The following DLC1 variants were observed in gnomAD, a reference collection of about 807,000 sequenced individuals.
The protein encoded by DLC1 is rho GTPase-activating protein 7.
In DLC1, 54 loss-of-function variants were observed where a neutral mutation model predicts 140.3. The ratio of observed to expected loss-of-function variants is 0.38; its 90% CI spans 0.31 to 0.48. DLC1 has a LOEUF of 0.48. Among genes scored for constraint, DLC1 ranks in the 20% least tolerant of loss-of-function variants. The pLI is 0.96. For synonymous variants in DLC1, 986 were observed against 728.1 expected, an observed-to-expected ratio of 1.35 and a Z score of -5.70; for missense variants, 2,536 against 1,907.0, an observed-to-expected ratio of 1.33 and a Z score of -6.14.
intron 7 of DLC1, among the ~76,000 whole-genome samples, chr8:13,105,084 T>C (rs557179020): frequency 1.4e-4 from 20 of 144,770 alleles, no homozygotes; most frequent in Admixed American, 1.0e-3. Flanking sequence ...GAATGGTGTT[T>C]ATAACCAAAT....
At chr8:13,559,517 T>G (rs1166899366) in intron 1 of DLC1, 2 of 152,218 alleles carry the variant, frequency 1.3e-5, no homozygotes, top group Admixed American at 1.3e-4. Context: ...ACTGAAAGAT[T>G]CATCTCAAAT....
At position 13,090,480 on chromosome 8, in the gene DLC1, A is replaced by G. The variant is rs984903555; in HGVS notation, c.3856-10T>C. 5.6e-6 allele frequency: 9 copies of G among 1,613,002 alleles called. No individual in the cohort carries two copies. The highest frequency in any genetic ancestry group is 3.3e-5 in the Admixed American group (2 of 60,002). ...TCATTTCCTCGGGAACCTGTGCGGA[A>G]CATGACAGACAGAAAGGAGGTGAGT... On this transcript the variant is annotated splice_polypyrimidine_tract_variant and intron_variant, in intron 14 of 17. Transcript: ENST00000276297.
intron 5 of DLC1, among the ~76,000 whole-genome samples, chr8:13,221,829 T>C (rs1007908176): frequency 7.0e-5 from 10 of 143,158 alleles, no homozygotes; most frequent in African/African-American, 2.0e-4. Flanking sequence ...ATAAAATACA[T>C]CAAAATATTA....
chr8:13,432,415 C>CT (rs1335126184), intron 2 of DLC1, among the ~76,000 whole-genome samples: 1 of 152,158 alleles, frequency 6.6e-6, no homozygotes, highest in African/African-American at 2.4e-5. Context: ...TACAATACAT[C>CT]TTATATGCAC....
At chr8:13,192,262 T>A (rs1482637050) in intron 5 of DLC1, among the ~76,000 whole-genome samples, 1 of 152,036 alleles carries the variant, frequency 6.6e-6, no homozygotes, top group African/African-American at 2.4e-5. Context: ...GCCTGATTAT[T>A]CTTGTATGTC....
intron 4 of DLC1, among the ~76,000 whole-genome samples, chr8:13,365,668 C>T (rs979926167): frequency 9.2e-5 from 14 of 152,134 alleles, no homozygotes; most frequent in African/African-American, 3.4e-4. Flanking sequence ...TCTGGGTTTC[C>T]AGACATGTGT....
At chr8:13,150,733 T>G (rs1823743763) in intron 5 of DLC1, among the ~76,000 whole-genome samples, 1 of 152,224 alleles carries the variant, frequency 6.6e-6, no homozygotes, top group Non-Finnish European at 1.5e-5. Flanking sequence ...TTAATGTGCA[T>G]GAAACAAAAA....
intron 2 of DLC1, among the ~76,000 whole-genome samples, chr8:13,456,560 G>T (rs1799399561): frequency 6.6e-6 from 1 of 152,114 alleles, no homozygotes; most frequent in Non-Finnish European, 1.5e-5. Flanking sequence ...CCAGGCTCAA[G>T]CAATTCTCCT....
intron 1 of DLC1, among the ~76,000 whole-genome samples, chr8:13,580,068 C>A (rs924492558): frequency 2.0e-5 from 3 of 151,976 alleles, no homozygotes; most frequent in African/African-American, 7.3e-5. Context: ...AAGGAGGGCC[C>A]CAATCCCATA....
intron 2 of DLC1, among the ~76,000 whole-genome samples, chr8:13,497,042 C>T (rs921246495): frequency 9.2e-5 from 14 of 151,964 alleles, no homozygotes; most frequent in South Asian, 2.1e-4. Context: ...CCTCGTGATA[C>T]GCCTGCCTCG....
intron 5 of DLC1, among the ~76,000 whole-genome samples, chr8:13,171,229 C>G (rs949834706): frequency 2.6e-5 from 4 of 152,152 alleles, no homozygotes; most frequent in Non-Finnish European, 5.9e-5. Flanking sequence ...TGATTAAGGA[C>G]TAAGTGCAAT....
At chr8:13,360,770 A>C (rs902200085) in intron 4 of DLC1, among the ~76,000 whole-genome samples, 1 of 152,208 alleles carries the variant, frequency 6.6e-6, no homozygotes, top group Non-Finnish European at 1.5e-5. Flanking sequence ...AATAAAAAAT[A>C]AAATTCATAA....
intron 2 of DLC1, among the ~76,000 whole-genome samples, chr8:13,418,571 T>C (rs1317012234): frequency 6.6e-6 from 1 of 152,216 alleles, no homozygotes; most frequent in Non-Finnish European, 1.5e-5. Context: ...TCCATTGATC[T>C]ATATCTCTAT....
At chr8:13,359,126 A>T (rs1447780790) in intron 4 of DLC1, among the ~76,000 whole-genome samples, 1 of 152,082 alleles carries the variant, frequency 6.6e-6, no homozygotes, top group Non-Finnish European at 1.5e-5. Flanking sequence ...TTTTTAGTAG[A>T]GATGGGGTTT....
chr8:13,514,673 C>T lies in DLC1; in HGVS notation c.-197G>A, dbSNP rs1049593738. 3 of 398,478 alleles carry T rather than the reference C, an allele frequency of 7.5e-6. No homozygotes were observed. The highest frequency in any genetic ancestry group is 8.8e-5 in the Admixed American group (2 of 22,702). The allele number at this position is 398,478 out of a possible 1,614,324, so 24.7% of individuals were successfully genotyped here. On this transcript the variant is annotated 5_prime_UTR_variant, in exon 1 of 18. Transcript: ENST00000276297. ...CTCAGGCTAGGAAAGAAGTCCGTCC[C>T]CGTTAGTTTCTCCAAAATCTAAGTT...
In DLC1 at chr8:13,495,160, G is replaced by C. The variant is rs188508724; in HGVS notation, c.1023+3889C>G. On this transcript the variant is annotated intron_variant, in intron 2 of 17. Transcript: ENST00000276297. Reference sequence around the variant, plus strand: ...ATGTGAGCAAATAAACATATGTTCAGACATTTATATAATTATTATGGTTAT... The same window carrying C: ...ATGTGAGCAAATAAACATATGTTCACACATTTATATAATTATTATGGTTAT... Among the ~76,000 whole-genome samples the C allele has an allele frequency of 2.0e-3, 308 of 152,200 alleles. 1 individual carries two copies. The highest frequency in any genetic ancestry group is 6.9e-3 in the African/African-American group (287 of 41,528).
intron 1 of DLC1, among the ~76,000 whole-genome samples, chr8:13,589,193 A>C (rs374895814): frequency 1.2e-4 from 19 of 152,204 alleles, no homozygotes; most frequent in South Asian, 4.1e-4. Context: ...AGTTTATACA[A>C]CTTAACCATT....
chr8:13,395,137 T>G (rs1357984718), intron 3 of DLC1, among the ~76,000 whole-genome samples: 1 of 114,990 alleles, frequency 8.7e-6, no homozygotes, highest in Non-Finnish European at 1.9e-5. Context: ...TTTTTTTTTT[T>G]TGGAATGGAG....
intron 2 of DLC1, among the ~76,000 whole-genome samples, chr8:13,412,931 CAAAAAAAAAAA>C (rs771025112): frequency 2.1e-5 from 2 of 94,008 alleles, no homozygotes; most frequent in Non-Finnish European, 3.9e-5. Flanking sequence ...GACTCCATCT[CAAAAAAAAAAA>C]AAAAAAAAAA....
Sources: gnomAD v4.1 joint callset for allele counts (sites outside exome capture counted in the v4.1 genomes callset) on GRCh38, gnomAD v4.1.1 for gene constraint, MANE v1.5 for transcripts, NCBI Gene and HGNC (gene_info 2026-07-23, HGNC 2026-07-21) for gene names.